The following NEK6 variants were observed in gnomAD, a reference collection of about 807,000 sequenced individuals.
The protein encoded by NEK6 is serine/threonine-protein kinase Nek6.
NEK6 carries 27 observed loss-of-function variants against 43.5 expected under a neutral mutation model. That is an observed-to-expected ratio of 0.62 (90% CI 0.46 to 0.86). NEK6 has a LOEUF of 0.86. Among genes scored for constraint, NEK6 ranks in the 40% least tolerant of loss-of-function variants. NEK6 has a pLI of 0.00. For synonymous variants in NEK6, 167 were observed against 164.1 expected (o/e 1.02, Z -0.14); for missense variants, 318 against 414.4 (o/e 0.77, Z 2.02).
chr9:124,307,299 C>T (rs781066791), intron 2 of NEK6, among the ~76,000 whole-genome samples: 1 of 152,168 alleles, frequency 6.6e-6, no homozygotes, highest in Non-Finnish European at 1.5e-5. Flanking sequence ...TGGTCTGAGA[C>T]ATCCTCCCTG....
At chr9:124,300,735 G>A (rs1013832941) in intron 1 of NEK6, among the ~76,000 whole-genome samples, 5 of 152,272 alleles carry the variant, frequency 3.3e-5, no homozygotes, top group East Asian at 1.9e-4. Context: ...GGAGGGCCCC[G>A]ACCTGAGACG....
At chr9:124,344,598 G>A (rs1262124580) in intron 8 of NEK6, among the ~76,000 whole-genome samples, 1 of 152,256 alleles carries the variant, frequency 6.6e-6, no homozygotes, top group Non-Finnish European at 1.5e-5. Context: ...TGGGATATCG[G>A]AAGGCCGGGC....
intron 4 of NEK6, 29 bp from the exon 5 acceptor site, chr9:124,321,429 GC>G (rs1414098508): frequency 2.7e-6 from 4 of 1,462,350 alleles, no homozygotes; most frequent in Admixed American, 3.4e-5. Context: ...TTCACTTGGT[GC>G]CCCCTTCCCT....
At chr9:124,334,474 A>G (rs533912546) in intron 7 of NEK6, among the ~76,000 whole-genome samples, 1 of 152,324 alleles carries the variant, frequency 6.6e-6, no homozygotes, top group Non-Finnish European at 1.5e-5. Flanking sequence ...AATGAGGTGA[A>G]GAGAGGAGGG....
intron 4 of NEK6, among the ~76,000 whole-genome samples, chr9:124,315,644 C>T (rs142161550): frequency 9.9e-4 from 151 of 152,320 alleles, no homozygotes; most frequent in African/African-American, 3.2e-3. Flanking sequence ...CCCTTCTCCC[C>T]GAGTGAAGGA....
intron 1 of NEK6, among the ~76,000 whole-genome samples, chr9:124,272,561 A>C (rs1046866649): frequency 3.3e-5 from 5 of 152,242 alleles, no homozygotes; most frequent in Non-Finnish European, 1.5e-5. Flanking sequence ...CAGCACTCCC[A>C]GCGTCCTGGG....
At chr9:124,263,702 G>A (rs952328433) in intron 1 of NEK6, among the ~76,000 whole-genome samples, 6 of 152,168 alleles carry the variant, frequency 3.9e-5, no homozygotes, top group African/African-American at 7.2e-5. Flanking sequence ...AGCAGGTGCC[G>A]GGGACCCCTC....
At chr9:124,286,240 CCT>C (rs1422056722) in intron 1 of NEK6, among the ~76,000 whole-genome samples, 2 of 152,142 alleles carry the variant, frequency 1.3e-5, no homozygotes, top group Admixed American at 6.5e-5. Context: ...CTTTTTTTCC[CCT>C]CTCTTTCTTT....
At chr9:124,262,653 G>T (rs950522831) in intron 1 of NEK6, among the ~76,000 whole-genome samples, 1 of 152,190 alleles carries the variant, frequency 6.6e-6, no homozygotes, top group South Asian at 2.1e-4. Flanking sequence ...CTGGGCGAGT[G>T]GGGGGGCCAT....
intron 7 of NEK6, among the ~76,000 whole-genome samples, chr9:124,331,280 ATTTTGCT>A (rs1828984989): frequency 6.7e-6 from 1 of 150,246 alleles, no homozygotes; most frequent in Non-Finnish European, 1.5e-5. Context: ...AAAACAAAAC[ATTTTGCT>A]CATTTTGCTT....
intron 2 of NEK6, among the ~76,000 whole-genome samples, chr9:124,307,685 A>G (rs1338853369): frequency 2.0e-5 from 3 of 152,030 alleles, no homozygotes; most frequent in African/African-American, 7.2e-5. Flanking sequence ...GTGGCCTCCT[A>G]TGGTGTTGCC....
chr9:124,301,382 G>A (rs900943369), intron 1 of NEK6, among the ~76,000 whole-genome samples: 1 of 152,220 alleles, frequency 6.6e-6, no homozygotes, highest in Non-Finnish European at 1.5e-5. Flanking sequence ...TAAGTAGGAC[G>A]GCAAACAGGA....
At chr9:124,330,487 A>G (rs1489613614) in intron 7 of NEK6, among the ~76,000 whole-genome samples, 3 of 152,154 alleles carry the variant, frequency 2.0e-5, no homozygotes, top group Non-Finnish European at 4.4e-5. Flanking sequence ...ACAGGCAGCC[A>G]CGGGTGACAG....
chr9:124,297,076 A>G (rs994185747), intron 1 of NEK6, among the ~76,000 whole-genome samples: 3 of 152,196 alleles, frequency 2.0e-5, no homozygotes. Context: ...GATGATGAAG[A>G]CGTTTGCTCC....
chr9:124,336,193 G>A (rs1024127059), intron 7 of NEK6, among the ~76,000 whole-genome samples: 11 of 152,016 alleles, frequency 7.2e-5, no homozygotes, highest in Middle Eastern at 3.4e-3. Flanking sequence ...AGCCAAGATC[G>A]CGCCACTGCA....
intron 1 of NEK6, among the ~76,000 whole-genome samples, chr9:124,272,232 T>G (rs1831470242): frequency 6.6e-6 from 1 of 152,244 alleles, no homozygotes. Flanking sequence ...GGGCAGGCTC[T>G]CAGTCCAGAG....
In NEK6 at chr9:124,275,663, A is replaced by G. The variant is rs1831621950; in HGVS notation, c.-30+17578A>G. Among the ~76,000 whole-genome samples the G allele has an allele frequency of 1.3e-5, 2 of 152,140 alleles. No homozygotes were observed. Among genetic ancestry groups the G allele is most frequent in the Admixed American group, 6.5e-5 (1 of 15,276 alleles). ...GGCCCCCCACCCTGTGAGGCCCACT[A>G]ATGGCCAGTCCCCTGCCCCAGGATC... On this transcript the variant is annotated intron_variant, in intron 1 of 9. Coordinates refer to ENST00000320246, the MANE Select transcript of NEK6 (RefSeq NM_014397.6). This position sits in a 1 kb window ranked among gnomAD's most constrained non-coding sequence, Gnocchi z 4.4.
At position 124,307,204 on chromosome 9, in the gene NEK6, G is replaced by A. The variant is rs557713266; in HGVS notation, c.90+5150G>A. ...TTTTAAACTCAAATTAGCGCAGGGT[G>A]GGGGGTGTTTGTGGCCTAATTTGAT... On this transcript the variant is annotated intron_variant, in intron 2 of 9. Coordinates refer to ENST00000320246, the MANE Select transcript of NEK6 (RefSeq NM_014397.6). 6.6e-5 allele frequency among the ~76,000 whole-genome samples: 10 copies of A among 152,178 alleles called. No homozygotes were observed. In the East Asian group the frequency reaches 9.7e-4, roughly 15 times the overall value.
intron 4 of NEK6, among the ~76,000 whole-genome samples, chr9:124,317,856 A>AT (rs1246426820): frequency 2.0e-5 from 3 of 152,148 alleles, no homozygotes; most frequent in Non-Finnish European, 4.4e-5. Flanking sequence ...CATGACTTTT[A>AT]TTCTTTGTTG....
Sources: gnomAD v4.1 joint callset for allele counts (sites outside exome capture counted in the v4.1 genomes callset) on GRCh38, gnomAD v4.1.1 for gene constraint, Gnocchi (gnomAD v3.1) non-coding constraint, MANE v1.5 for transcripts, NCBI Gene and HGNC (gene_info 2026-07-23, HGNC 2026-07-21) for gene names.